BMPR1B: variants seen among roughly 807,000 people sequenced by gnomAD.
The protein encoded by BMPR1B is bone morphogenetic protein receptor type-1B.
In BMPR1B, 12 loss-of-function variants were observed where a neutral mutation model predicts 59.1. The ratio of observed to expected loss-of-function variants is 0.20; its 90% CI spans 0.13 to 0.33. The LOEUF is 0.33. Ranked by LOEUF, BMPR1B falls within the 10% of genes least tolerant of loss-of-function variation. BMPR1B has a pLI of 1.00. For synonymous variants in BMPR1B, 237 were observed against 207.3 expected, an observed-to-expected ratio of 1.14 and a Z score of -1.23; for missense variants, 550 against 610.9, an observed-to-expected ratio of 0.90 and a Z score of 1.05.
chr4:94,949,685 T>C (rs1729856722), intron 2 of BMPR1B, among the ~76,000 whole-genome samples: 1 of 152,074 alleles, frequency 6.6e-6, no homozygotes, highest in Admixed American at 6.5e-5. Context: ...TTATTCAATC[T>C]GTCATTGATG....
At chr4:95,152,465 T>C (rs1286605405) in intron 11 of BMPR1B, among the ~76,000 whole-genome samples, 178 bp from the exon 12 acceptor site, 1 of 152,216 alleles carries the variant, frequency 6.6e-6, no homozygotes, top group Admixed American at 6.5e-5. Flanking sequence ...ATTCATTTTT[T>C]CTAAATTAGA....
chr4:94,929,329 A>G (rs1729005571), intron 2 of BMPR1B, among the ~76,000 whole-genome samples: 1 of 152,136 alleles, frequency 6.6e-6, no homozygotes, highest in Non-Finnish European at 1.5e-5. Flanking sequence ...GCCGTGACCT[A>G]TGCTAGAACC....
In BMPR1B at chr4:94,757,982, G is replaced by GGCGCGGA. The variant is rs1721587244; in HGVS notation, c.-267_-261dup. 1 of 147,580 alleles carries GGCGCGGA rather than the reference G, an allele frequency of 6.8e-6. No homozygotes were observed. The highest frequency in any genetic ancestry group is 6.8e-5 in the Admixed American group (1 of 14,784). The allele number at this position is 147,580 out of a possible 1,614,324, so 9.1% of individuals were successfully genotyped here. A position where few individuals can be genotyped will look rare whatever the true frequency, so the allele number is the denominator to read the frequency against. On this transcript the variant is annotated 5_prime_UTR_variant, in exon 1 of 13. Coordinates refer to ENST00000515059, the MANE Select transcript of BMPR1B (RefSeq NM_001203.3). Reference sequence around the variant, plus strand: ...AAGTTGACGGCGCAGCCGGGCGCGGGGCGCGGAGTCGGCGGGGCCTCGCGG... The same window carrying GGCGCGGA: ...AAGTTGACGGCGCAGCCGGGCGCGGGGCGCGGAGCGCGGAGTCGGCGGGGCCTCGCGG...
intron 2 of BMPR1B, among the ~76,000 whole-genome samples, chr4:94,901,991 C>T (rs1727826659): frequency 6.7e-6 from 1 of 150,310 alleles, no homozygotes; most frequent in Admixed American, 6.7e-5. Context: ...CTCTGCTATA[C>T]ATACTCTGGT....
chr4:95,047,093 A>G (rs1726113463), intron 3 of BMPR1B, among the ~76,000 whole-genome samples: 1 of 152,194 alleles, frequency 6.6e-6, no homozygotes, highest in East Asian at 1.9e-4. Flanking sequence ...GAAAATTTCC[A>G]AAGGTAATAT....
At chr4:95,067,442 A>G (rs1351410928) in intron 3 of BMPR1B, among the ~76,000 whole-genome samples, 1 of 152,192 alleles carries the variant, frequency 6.6e-6, no homozygotes. Context: ...TAGAAAACCT[A>G]GTCGGCCAAG....
At chr4:95,107,676 G>A (rs1731289877) in intron 4 of BMPR1B, among the ~76,000 whole-genome samples, 1 of 152,046 alleles carries the variant, frequency 6.6e-6, no homozygotes, top group South Asian at 2.1e-4. Flanking sequence ...AGAATTCCGA[G>A]GCTCTAAAAA....
At chr4:94,885,757 G>C (rs772134147) in intron 2 of BMPR1B, among the ~76,000 whole-genome samples, 1 of 152,072 alleles carries the variant, frequency 6.6e-6, no homozygotes, top group Non-Finnish European at 1.5e-5. Flanking sequence ...TAATATAATT[G>C]TAAAACATAT....
At chr4:94,764,756 CTG>C (rs1281934336) in intron 1 of BMPR1B, among the ~76,000 whole-genome samples, 1 of 152,066 alleles carries the variant, frequency 6.6e-6, no homozygotes, top group East Asian at 1.9e-4. Flanking sequence ...ACTTGATAGT[CTG>C]TATATCTTCT....
At chr4:95,152,833 G>A (rs1345609557) in intron 12 of BMPR1B, 60 bp downstream of exon 12, 4 of 1,583,162 alleles carry the variant, frequency 2.5e-6, no homozygotes, top group Non-Finnish European at 3.4e-6. Context: ...TTCTTTTTTA[G>A]CTAAAATTCC....
Position 94,819,739 on chromosome 4 carries a change from T to C in BMPR1B, c.-182-56092T>C, listed in dbSNP as rs138460644. The stretch of plus-strand genomic sequence containing the variant: ...TTCAAGTACATGCTGACAGGGATTT[T>C]GTGAGAATATGTAAGTATCTGCTTA... On this transcript the variant is annotated intron_variant, in intron 1 of 12. Coordinates refer to ENST00000515059, the MANE Select transcript of BMPR1B (RefSeq NM_001203.3). 4.6e-4 allele frequency among the ~76,000 whole-genome samples: 70 copies of C among 152,368 alleles called. No individual in the cohort carries two copies. The East Asian group carries it at 0.01, about 23-fold the overall frequency.
intron 6 of BMPR1B, among the ~76,000 whole-genome samples, chr4:95,118,564 T>C (rs181773568): frequency 6.6e-6 from 1 of 152,180 alleles, no homozygotes; most frequent in Non-Finnish European, 1.5e-5. Flanking sequence ...CCTCTCAGAG[T>C]GAACCAGACT....
chr4:95,139,427 T>C (rs1234481660), intron 10 of BMPR1B, among the ~76,000 whole-genome samples: 4 of 152,192 alleles, frequency 2.6e-5, no homozygotes, highest in Non-Finnish European at 5.9e-5. Context: ...GGAGAACCAC[T>C]ACTCTTTTCA....
In BMPR1B at chr4:95,053,281, TTGTGTGTGTG is replaced by T. The variant is rs60404669; in HGVS notation, c.-17-51094_-17-51085del. Among the ~76,000 whole-genome samples the T allele has an allele frequency of 1.9e-3, 260 of 134,246 alleles. 2 individuals carry two copies. The highest frequency in any genetic ancestry group is 5.8e-3 in the East Asian group (26 of 4,498). The allele number at this position is 134,246 out of a possible 152,430, so 88.1% of individuals were successfully genotyped here. On this transcript the variant is annotated intron_variant, in intron 3 of 12. Transcript: ENST00000515059. ...TTAAAAAGCTCCCTTTGCAGGGCACTTGTGTGTGTGTGTGTGTGTGTGTGTGTGTGTGTGT... is the reference window on the plus strand; with the variant it reads ...TTAAAAAGCTCCCTTTGCAGGGCACTTGTGTGTGTGTGTGTGTGTGTGTGT...
chr4:95,057,361 C>A (rs1480724353), intron 3 of BMPR1B, among the ~76,000 whole-genome samples: 3 of 152,086 alleles, frequency 2.0e-5, no homozygotes, highest in African/African-American at 7.2e-5. Flanking sequence ...TCTCCTGCCT[C>A]AGCCTCCCGA....
chr4:95,145,488 C>G (rs915999518), intron 10 of BMPR1B, among the ~76,000 whole-genome samples: 2 of 152,208 alleles, frequency 1.3e-5, no homozygotes, highest in Non-Finnish European at 2.9e-5. Flanking sequence ...TCTGTTCTCA[C>G]GTGTACCACA....
At chr4:95,103,673 T>TA (rs34798132) in intron 3 of BMPR1B, among the ~76,000 whole-genome samples, 43,901 of 151,898 alleles carry the variant, frequency 0.29, 6,905 homozygotes, top group South Asian at 0.42. Context: ...TGGTAAATAG[T>TA]AAAGCCTAAT....
chr4:94,958,303 G>T (rs543357533), intron 2 of BMPR1B, among the ~76,000 whole-genome samples: 7 of 152,132 alleles, frequency 4.6e-5, no homozygotes, highest in African/African-American at 1.7e-4. Flanking sequence ...TATACTGTCT[G>T]GGCATATGGC....
chr4:95,010,559 G>A (rs1723148129), intron 3 of BMPR1B, among the ~76,000 whole-genome samples: 1 of 152,118 alleles, frequency 6.6e-6, no homozygotes, highest in Admixed American at 6.5e-5. Flanking sequence ...GCATTTCAAA[G>A]GAAATGGAGC....
Sources: gnomAD v4.1 joint callset for allele counts (sites outside exome capture counted in the v4.1 genomes callset) on GRCh38, gnomAD v4.1.1 for gene constraint, MANE v1.5 for transcripts, NCBI Gene and HGNC (gene_info 2026-07-23, HGNC 2026-07-21) for gene names.